The following HPSE2 variants were observed in gnomAD, a reference collection of about 807,000 sequenced individuals.
HPSE2 encodes the protein heparanase 2 (inactive), also known as inactive heparanase-2.
Under a neutral mutation model 60.5 loss-of-function variants are expected in HPSE2, and 38 were observed. The observed-to-expected ratio is 0.63, with a 90% CI of 0.48 to 0.82. HPSE2 has a LOEUF of 0.82. Among genes scored for constraint, HPSE2 ranks in the 40% least tolerant of loss-of-function variants. HPSE2 has a pLI of 0.00. For synonymous variants in HPSE2, 295 were observed against 293.2 expected (o/e 1.01, Z -0.06); for missense variants, 713 against 740.4 (o/e 0.96, Z 0.43).
At chr10:99,183,016 A>G (rs1413815372) in intron 2 of HPSE2, among the ~76,000 whole-genome samples, 1 of 152,142 alleles carries the variant, frequency 6.6e-6, no homozygotes, top group African/African-American at 2.4e-5. Flanking sequence ...CAACAGTTTC[A>G]GATATAGGTA....
chr10:99,113,655 T>C (rs1470313850), intron 3 of HPSE2, among the ~76,000 whole-genome samples: 3 of 152,196 alleles, frequency 2.0e-5, no homozygotes, highest in Admixed American at 6.5e-5. Flanking sequence ...TTAATAATTA[T>C]GTTCTGGGCA....
At chr10:98,466,495 C>T (rs2133592372) in intron 11 of HPSE2, among the ~76,000 whole-genome samples, 1 of 151,828 alleles carries the variant, frequency 6.6e-6, no homozygotes, top group Admixed American at 6.6e-5. Flanking sequence ...CCTGTAATCC[C>T]AGCTACTCAG....
chr10:98,997,621 A>G (rs1956679113), intron 3 of HPSE2, among the ~76,000 whole-genome samples: 1 of 152,196 alleles, frequency 6.6e-6, no homozygotes, highest in Non-Finnish European at 1.5e-5. Context: ...TTCACACACA[A>G]TTTAAGAATA....
the HPSE2 span, among the ~76,000 whole-genome samples, chr10:99,275,401 T>A: frequency 6.6e-6 from 1 of 152,086 alleles, no homozygotes; most frequent in Non-Finnish European, 1.5e-5. Context: ...ACCCCAAGGG[T>A]ACAGTGACCA....
intron 9 of HPSE2, among the ~76,000 whole-genome samples, chr10:98,520,013 A>G (rs1035830960): frequency 6.6e-5 from 10 of 152,260 alleles, no homozygotes; most frequent in Admixed American, 6.5e-4. Flanking sequence ...ATTAACAAAT[A>G]TGTAAAAAAA....
At chr10:99,307,910 T>G in the HPSE2 span, among the ~76,000 whole-genome samples, 1 of 149,300 alleles carries the variant, frequency 6.7e-6, no homozygotes, top group Non-Finnish European at 1.5e-5. Flanking sequence ...AAACAGAGGT[T>G]CACAATTTGA....
intron 3 of HPSE2, among the ~76,000 whole-genome samples, chr10:99,100,793 C>G (rs1843937369): frequency 6.6e-6 from 1 of 152,214 alleles, no homozygotes; most frequent in South Asian, 2.1e-4. Context: ...CAGCAGATCT[C>G]TCGTCAGAAA....
intron 2 of HPSE2, among the ~76,000 whole-genome samples, chr10:99,174,030 G>C (rs1470133076): frequency 1.3e-5 from 2 of 151,026 alleles, no homozygotes; most frequent in Non-Finnish European, 2.9e-5. Flanking sequence ...TAGTGATAAG[G>C]AGCAATTATA....
chr10:98,817,340 T>C (rs1023759828), intron 3 of HPSE2, among the ~76,000 whole-genome samples: 5 of 152,184 alleles, frequency 3.3e-5, no homozygotes, highest in African/African-American at 1.2e-4. Context: ...CTGGAACAGT[T>C]GACTTTCTAA....
intron 5 of HPSE2, among the ~76,000 whole-genome samples, chr10:98,720,107 G>A (rs1948886315): frequency 6.6e-6 from 1 of 151,906 alleles, no homozygotes; most frequent in Non-Finnish European, 1.5e-5. Context: ...AAAACAGTAA[G>A]GTTGAAAATA....
chr10:98,509,626 C>T (rs1006258660), intron 9 of HPSE2, among the ~76,000 whole-genome samples: 9 of 151,838 alleles, frequency 5.9e-5, no homozygotes, highest in Non-Finnish European at 1.2e-4. Context: ...CTCAGCCACC[C>T]GAGTAGCTGG....
the HPSE2 span, among the ~76,000 whole-genome samples, chr10:99,269,594 C>T: frequency 4.6e-5 from 7 of 152,072 alleles, no homozygotes; most frequent in Non-Finnish European, 8.8e-5. Flanking sequence ...ACTATACCCT[C>T]GAGCAAATGA....
At chr10:99,090,371 C>A (rs1354089290) in intron 3 of HPSE2, among the ~76,000 whole-genome samples, 2 of 152,008 alleles carry the variant, frequency 1.3e-5, no homozygotes, top group Admixed American at 1.3e-4. Flanking sequence ...GTACATAGTC[C>A]ATCCCCAATA....
At chr10:99,060,964 T>C (rs1279395511) in intron 3 of HPSE2, among the ~76,000 whole-genome samples, 1 of 151,848 alleles carries the variant, frequency 6.6e-6, no homozygotes, top group African/African-American at 2.4e-5. Flanking sequence ...TTGTTGGGGG[T>C]AAGAGAGTCA....
the HPSE2 span, among the ~76,000 whole-genome samples, chr10:99,298,917 C>T: frequency 1.1e-4 from 16 of 152,224 alleles, no homozygotes; most frequent in Middle Eastern, 3.4e-3. Context: ...TTGTGATCTG[C>T]CTGCCTCGGC....
At chr10:99,303,704 T>C in the HPSE2 span, among the ~76,000 whole-genome samples, 1 of 152,204 alleles carries the variant, frequency 6.6e-6, no homozygotes, top group Non-Finnish European at 1.5e-5. Context: ...GGAGGATCTC[T>C]GCTACTTGCT....
intron 3 of HPSE2, among the ~76,000 whole-genome samples, chr10:98,846,480 C>T (rs181248267): frequency 6.6e-6 from 1 of 152,298 alleles, no homozygotes; most frequent in African/African-American, 2.4e-5. Context: ...TACATATCTC[C>T]TCTGCACCCA....
intron 9 of HPSE2, among the ~76,000 whole-genome samples, chr10:98,506,050 C>T (rs907691522): frequency 6.6e-6 from 1 of 151,888 alleles, no homozygotes; most frequent in African/African-American, 2.4e-5. Context: ...TCTGTTGGAA[C>T]TTTGGAATTG....
At chr10:98,658,652 A>G (rs934315583) in intron 6 of HPSE2, among the ~76,000 whole-genome samples, 9 of 152,088 alleles carry the variant, frequency 5.9e-5, no homozygotes, top group South Asian at 2.1e-4. Flanking sequence ...CCGAAGCTTC[A>G]GTGTTTTCCC....
Sources: gnomAD v4.1 joint callset for allele counts (sites outside exome capture counted in the v4.1 genomes callset) on GRCh38, gnomAD v4.1.1 for gene constraint, MANE v1.5 for transcripts, NCBI Gene and HGNC (gene_info 2026-07-23, HGNC 2026-07-21) for gene names.